Variants in KMT2C observed in about 807,000 individuals in gnomAD.
KMT2C encodes lysine methyltransferase 2C.
KMT2C carries 88 observed loss-of-function variants against 507.9 expected under a neutral mutation model. That is an observed-to-expected ratio of 0.17 (90% confidence interval 0.15 to 0.21). The LOEUF (loss-of-function observed/expected upper bound fraction) is 0.21, where lower values mean the gene tolerates loss of function less well. Ranked by LOEUF, KMT2C falls within the 10% of genes least tolerant of loss-of-function variation. The probability of loss-of-function intolerance (pLI) is 1.00; values close to 1 mark genes in which losing one functional copy is unlikely to be tolerated. For synonymous variants in KMT2C, 2,049 were observed against 2,080.8 expected (o/e 0.98, Z 0.42); for missense variants, 4,954 against 5,957.8 (o/e 0.83, Z 5.55).
intron 4 of KMT2C, among the ~76,000 whole-genome samples, chr7:152,314,164 CCT>C (rs1248505066): frequency 6.6e-6 from 1 of 152,044 alleles, no homozygotes; most frequent in Non-Finnish European, 1.5e-5. Context: ...AAAGATTCTC[CCT>C]CTTTTTATTG....
At position 152,410,105 on chromosome 7, in the gene KMT2C, T is replaced by C. The variant is rs1458536211; in HGVS notation, c.161+25521A>G. Among the ~76,000 whole-genome samples, 3 of 152,340 alleles carry C rather than the reference T, an allele frequency of 2.0e-5. No individual in the cohort carries two copies. The South Asian group carries it at 6.2e-4, about 32-fold the overall frequency. On this transcript the variant is annotated intron_variant, in intron 1 of 58. Transcript: ENST00000262189. Reference sequence around the variant, plus strand: ...GTTCTTTCCCTGTTTACAAACCTAGTTCTGATTTCATTATTAAAAATATAG... The same window carrying C: ...GTTCTTTCCCTGTTTACAAACCTAGCTCTGATTTCATTATTAAAAATATAG...
At chr7:152,397,984 A>G (rs1294069484) in intron 1 of KMT2C, among the ~76,000 whole-genome samples, 1 of 152,190 alleles carries the variant, frequency 6.6e-6, no homozygotes, top group Non-Finnish European at 1.5e-5. Flanking sequence ...AGTCTTCACA[A>G]TAAATCCTGC....
chr7:152,315,440 G>T, intron 3 of KMT2C, 102 bp from the exon 4 acceptor site: 1 of 772,206 alleles, frequency 1.3e-6, no homozygotes, highest in East Asian at 2.6e-5. Flanking sequence ...TATGTCTAAA[G>T]CACAAGCTAA....
At chr7:152,237,190 T>C (rs1288830382) in intron 15 of KMT2C, among the ~76,000 whole-genome samples, 5 of 152,364 alleles carry the variant, frequency 3.3e-5, no homozygotes, top group Middle Eastern at 3.4e-3. Context: ...TTAAGTTAAA[T>C]AATATGTCAT....
At position 152,295,929 on chromosome 7, in the gene KMT2C, A is replaced by G. The variant is rs1014266141; in HGVS notation, c.849+14037T>C. Among the ~76,000 whole-genome samples, 3 of 152,000 alleles carry G rather than the reference A, an allele frequency of 2.0e-5. No individual in the cohort carries two copies. The East Asian group carries it at 5.8e-4, about 30-fold the overall frequency. On this transcript the variant is annotated intron_variant, in intron 6 of 58. Coordinates refer to ENST00000262189, the MANE Select transcript of KMT2C (RefSeq NM_170606.3). ...AAAATACAAAAAAAATTAGCCGGGC[A>G]TGGTGGCGGGTGCCTATAGTCCCAG...
intron 1 of KMT2C, among the ~76,000 whole-genome samples, chr7:152,386,688 G>A (rs1390514854): frequency 1.3e-5 from 2 of 152,306 alleles, no homozygotes; most frequent in African/African-American, 4.8e-5. Context: ...CTGAGTCCCA[G>A]TATGACTTAA....
chr7:152,335,868 C>T (rs2096929489), intron 2 of KMT2C, among the ~76,000 whole-genome samples: 1 of 151,786 alleles, frequency 6.6e-6, no homozygotes. Flanking sequence ...AATTATGTTT[C>T]CTGCATTTCA....
intron 1 of KMT2C, among the ~76,000 whole-genome samples, chr7:152,426,047 T>A (rs2097814022): frequency 1.3e-5 from 2 of 152,082 alleles, no homozygotes; most frequent in African/African-American, 2.4e-5. Context: ...ATACAACTCC[T>A]AGGGAATTGC....
intron 6 of KMT2C, among the ~76,000 whole-genome samples, chr7:152,307,495 A>C (rs1165813625): frequency 6.6e-6 from 1 of 152,100 alleles, no homozygotes; most frequent in African/African-American, 2.4e-5. Flanking sequence ...GGAGAGGTAA[A>C]GATTTGACAG....
In KMT2C at chr7:152,252,706, T is replaced by C; in HGVS notation, c.1309A>G (p.Ile437Val). Reference sequence around the variant, plus strand: ...GACCGTGTGCCACACTCTATACATATTCTGCAATTCTAAACACCAGGAAAA... The same window carrying C: ...GACCGTGTGCCACACTCTATACATACTCTGCAATTCTAAACACCAGGAAAA... The part of the protein sequence containing the change: ...TNGWKCKNCR[I>V]CIECGTRSSS... Residue 437 changes from isoleucine (I) to valine (V), a missense_variant, in exon 10 of 59, where the codon ATA (isoleucine) becomes GTA (valine). By Grantham distance (29) the Ile-to-Val change is conservative (BLOSUM62 3). Coordinates refer to ENST00000262189, the MANE Select transcript of KMT2C (RefSeq NM_170606.3). 4.4e-6 allele frequency: 7 copies of C among 1,592,564 alleles called. No individual in the cohort carries two copies. The highest frequency in any genetic ancestry group is 6.0e-6 in the Non-Finnish European group (7 of 1,165,660).
At chr7:152,255,152 T>TAA in intron 9 of KMT2C, among the ~76,000 whole-genome samples, 1 of 135,108 alleles carries the variant, frequency 7.4e-6, no homozygotes, top group African/African-American at 2.8e-5. Flanking sequence ...TATACATATA[T>TAA]ATATATGTGT....
intron 1 of KMT2C, among the ~76,000 whole-genome samples, chr7:152,371,049 A>G (rs1278574054): frequency 6.6e-6 from 1 of 152,246 alleles, no homozygotes; most frequent in Non-Finnish European, 1.5e-5. Context: ...AAAACATAAA[A>G]ACATATTAAA....
chr7:152,227,724 C>T (rs2094976725), intron 18 of KMT2C, among the ~76,000 whole-genome samples: 1 of 152,212 alleles, frequency 6.6e-6, no homozygotes, highest in Admixed American at 6.5e-5. Flanking sequence ...CAGAAATCTA[C>T]AAAGGATCCC....
chr7:152,412,990 A>G (rs2097698218), intron 1 of KMT2C, among the ~76,000 whole-genome samples: 1 of 152,128 alleles, frequency 6.6e-6, no homozygotes, highest in African/African-American at 2.4e-5. Context: ...ACCAAAAACC[A>G]GCCCCTCTAC....
intron 51 of KMT2C, among the ~76,000 whole-genome samples, chr7:152,150,059 A>G (rs774766628): frequency 1.3e-5 from 2 of 152,230 alleles, no homozygotes; most frequent in Non-Finnish European, 2.9e-5. Flanking sequence ...TCTGTGAAAG[A>G]CATACCAGAG....
rs767472142 is a variant in KMT2C at position 152,187,373 on chromosome 7, G to T, written c.4897C>A (p.Gln1633Lys). The T allele has an allele frequency of 6.2e-7, 1 of 1,614,048 alleles. No homozygotes were observed. Among genetic ancestry groups the T allele is most frequent in the Admixed American group, 1.7e-5 (1 of 60,018 alleles). ...EGENDTMSNA[Q>K]RSTLKWEKEE... Reference sequence around the variant, plus strand: ...TTCTCCCACTTAAGCGTGCTTCTCTGGGCATTCGACATTGTGTCATTTTCT... The same window carrying T: ...TTCTCCCACTTAAGCGTGCTTCTCTTGGCATTCGACATTGTGTCATTTTCT... The change falls in exon 33 of 59, where the codon CAG becomes AAG. Residue 1633 changes from glutamine to lysine, a missense_variant. Around this residue, in one of 29 missense-constraint regions of KMT2C, gnomAD observed 195 missense variants for 183.7 expected, o/e 1.06. Transcript: ENST00000262189.
rs551457983 is a variant in KMT2C, at chr7:152,192,745, AG to A, written c.4660+1263del. Among the ~76,000 whole-genome samples, 337 of 152,330 alleles carry A rather than the reference AG, an allele frequency of 2.2e-3. 2 individuals are homozygous for A. The highest frequency in any genetic ancestry group is 3.8e-3 in the Non-Finnish European group (260 of 68,034). On this transcript the variant is annotated intron_variant, in intron 31 of 58. Transcript: ENST00000262189. ...CATGTATATACAAAGTTGTTAGTAA[AG>A]GTTACAAATTATTCACACACTTTGG...
rs746659124 is a variant in KMT2C, at chr7:152,177,627, C to T, written c.7826G>A (p.Arg2609Gln). 2.7e-5 allele frequency: 43 copies of T among 1,613,926 alleles called. No homozygotes were observed. The Middle Eastern group carries it at 4.9e-4, about 19-fold the overall frequency. The change falls in exon 38 of 59, where the codon CGA becomes CAA. Residue 2609 changes from arginine to glutamine, a missense_variant. Physicochemically the swap from Arg to Gln is conservative, Grantham distance 43. Transcript: ENST00000262189. ...FPGPRHTDPM[R>Q]RPPQGLPNQL... ...ATTAGGTAGACCCTGGGGAGGTCGT[C>T]GCATGGGGTCTGTGTGTCTAGGGCC...
intron 48 of KMT2C, 120 bp from the exon 49 acceptor site, chr7:152,153,074 C>T: frequency 7.7e-7 from 1 of 1,292,962 alleles, no homozygotes; most frequent in Non-Finnish European, 1.1e-6. Context: ...GAAAATCCAA[C>T]AAATTTTATT....
Sources: allele counts gnomAD v4.1 joint callset (sites outside exome capture counted in the v4.1 genomes callset), GRCh38; gene constraint gnomAD v4.1.1; regional missense constraint gnomAD v4.1.1; transcripts MANE v1.5; gene names NCBI Gene and HGNC (gene_info 2026-07-23, HGNC 2026-07-21).